GALNT7: variants seen among roughly 807,000 people sequenced by gnomAD.
The protein encoded by GALNT7 is N-acetylgalactosaminyltransferase 7.
A neutral mutation model predicts 82.1 loss-of-function variants in GALNT7; 60 were observed. That is an observed-to-expected ratio of 0.73 (90% CI 0.59 to 0.91). The LOEUF (loss-of-function observed/expected upper bound fraction) is 0.91, where lower values mean the gene tolerates loss of function less well. Ranked by LOEUF, GALNT7 falls within the 40% of genes least tolerant of loss-of-function variation. The pLI, the probability that GALNT7 is intolerant of heterozygous loss-of-function variation, is 0.00. For synonymous variants in GALNT7, 243 were observed against 275.1 expected (o/e 0.88, Z 1.15); for missense variants, 660 against 804.2 (o/e 0.82, Z 2.17).
intron 1 of GALNT7, among the ~76,000 whole-genome samples, chr4:173,216,727 A>ATATT (rs71244915): frequency 7.7e-5 from 1 of 12,980 alleles, no homozygotes; most frequent in African/African-American, 2.8e-4. Flanking sequence ...ATATATATAT[A>ATATT]TTTTTTTTTT....
rs6836060 is a variant in GALNT7, at chr4:173,184,774, C to T, written c.126+15813C>T. ...AAAAACTGATTTAGGAGAGGGTTTT[C>T]GGTACTTTGAAATATTAATATTATG... On this transcript the variant is annotated intron_variant, in intron 1 of 11. Transcript: ENST00000265000. Among the ~76,000 whole-genome samples the T allele has an allele frequency of 3.7e-3, 559 of 152,116 alleles. 2 individuals are homozygous for T. The highest frequency in any genetic ancestry group is 0.013 in the African/African-American group (525 of 41,518).
chr4:173,208,220 GA>G (rs1733160126), intron 1 of GALNT7, among the ~76,000 whole-genome samples: 1 of 150,908 alleles, frequency 6.6e-6, no homozygotes, highest in Non-Finnish European at 1.5e-5. Context: ...AGTTAAAAAT[GA>G]AAAGTATAAT....
chr4:173,271,328 T>G (rs901888320), intron 2 of GALNT7, among the ~76,000 whole-genome samples: 2 of 151,940 alleles, frequency 1.3e-5, no homozygotes, highest in Non-Finnish European at 2.9e-5. Context: ...TTAAATATTT[T>G]GAAAAAAGGA....
chr4:173,181,166 G>C (rs952629445), intron 1 of GALNT7, among the ~76,000 whole-genome samples: 1 of 152,286 alleles, frequency 6.6e-6, no homozygotes, highest in South Asian at 2.1e-4. Flanking sequence ...TGTGGTAGAT[G>C]TTCTTAAACT....
rs761664259 is a variant in GALNT7 at position 173,259,917 on chromosome 4, C to T, written c.587+11477C>T. ...CCTCCCAAAGTACTGGGATTACAGG[C>T]GTGAGCCACCATGCCCGGCCCATTT... On this transcript the variant is annotated intron_variant, in intron 2 of 11. Coordinates refer to ENST00000265000, the MANE Select transcript of GALNT7 (RefSeq NM_017423.3). Among the ~76,000 whole-genome samples the T allele has an allele frequency of 3.9e-5, 6 of 152,250 alleles. No homozygotes were observed. The South Asian group carries it at 8.3e-4, about 21-fold the overall frequency.
chr4:173,285,332 A>G (rs73001568), intron 2 of GALNT7, among the ~76,000 whole-genome samples: 16,302 of 152,252 alleles, frequency 0.11, 2,109 homozygotes, highest in African/African-American at 0.31. Flanking sequence ...TATGTGCTAG[A>G]TGCAGATAAA....
At chr4:173,231,181 G>T (rs531754401) in intron 1 of GALNT7, among the ~76,000 whole-genome samples, 1 of 152,094 alleles carries the variant, frequency 6.6e-6, no homozygotes, top group Non-Finnish European at 1.5e-5. Context: ...GCTGTCAGGG[G>T]AAATCATGAC....
intron 2 of GALNT7, among the ~76,000 whole-genome samples, chr4:173,252,102 C>T (rs1284563711): frequency 6.6e-6 from 1 of 152,042 alleles, no homozygotes; most frequent in Non-Finnish European, 1.5e-5. Context: ...AAATAATAAC[C>T]AACCATGAAT....
At position 173,212,843 on chromosome 4, in the gene GALNT7, A is replaced by C. The variant is rs143468496; in HGVS notation, c.127-35137A>C. On this transcript the variant is annotated intron_variant, in intron 1 of 11. Transcript: ENST00000265000. ...TCCGTGTGTCTAACATAGGACATTA[A>C]AGAGCATGATCATTTCTTCAAAAAT... 1.9e-3 allele frequency among the ~76,000 whole-genome samples: 291 copies of C among 152,258 alleles called. 1 individual carries two copies. The highest frequency in any genetic ancestry group is 6.7e-3 in the African/African-American group (278 of 41,570).
intron 1 of GALNT7, among the ~76,000 whole-genome samples, chr4:173,183,883 G>A (rs1303028410): frequency 1.5e-3 from 222 of 151,546 alleles, no homozygotes; most frequent in African/African-American, 5.3e-3. Flanking sequence ...CTTCCCAGAC[G>A]GGGCGGCTGC....
Position 173,223,590 on chromosome 4 carries a change from C to T in GALNT7, c.127-24390C>T, listed in dbSNP as rs544315208. ...AACTCTTTTCCATAAATGAGACCCC[C>T]ACCCCCCGCAGTCCAAAATTTGTCA... On this transcript the variant is annotated intron_variant, in intron 1 of 11. Transcript: ENST00000265000. Among the ~76,000 whole-genome samples the T allele has an allele frequency of 2.0e-5, 3 of 152,052 alleles. No homozygotes were observed. In the East Asian group the frequency reaches 5.8e-4, roughly 29 times the overall value.
intron 1 of GALNT7, among the ~76,000 whole-genome samples, chr4:173,196,861 T>A (rs1051879611): frequency 6.6e-6 from 1 of 152,192 alleles, no homozygotes; most frequent in Non-Finnish European, 1.5e-5. Flanking sequence ...AGTGTAATAG[T>A]GTAATAAGGG....
chr4:173,195,872 A>G (rs1579900313), intron 1 of GALNT7, among the ~76,000 whole-genome samples: 1 of 152,266 alleles, frequency 6.6e-6, no homozygotes, highest in South Asian at 2.1e-4. Flanking sequence ...TGTGGTTTCT[A>G]TTAACAATTT....
At position 173,261,696 on chromosome 4, in the gene GALNT7, G is replaced by A. The variant is rs186513158; in HGVS notation, c.587+13256G>A. Among the ~76,000 whole-genome samples the A allele has an allele frequency of 4.0e-3, 611 of 152,222 alleles. 1 individual carries two copies. The highest frequency in any genetic ancestry group is 8.7e-3 in the South Asian group (42 of 4,826). ...TAGCCAGGTGTGGTGGCACGCACCTGTAATCCCAGCTTCTCAGGAGGCTGA... is the reference window on the plus strand; with the variant it reads ...TAGCCAGGTGTGGTGGCACGCACCTATAATCCCAGCTTCTCAGGAGGCTGA... On this transcript the variant is annotated intron_variant, in intron 2 of 11. Transcript: ENST00000265000.
At chr4:173,288,282 CAAAAA>C (rs70944442) in intron 2 of GALNT7, among the ~76,000 whole-genome samples, 975 of 63,016 alleles carry the variant, frequency 0.015, 3 homozygotes, top group African/African-American at 0.032. Context: ...GACTCCATCT[CAAAAA>C]AAAAAAAAAA....
intron 1 of GALNT7, among the ~76,000 whole-genome samples, chr4:173,185,868 A>G (rs1458828741): frequency 1.3e-5 from 2 of 152,222 alleles, no homozygotes; most frequent in Non-Finnish European, 2.9e-5. Flanking sequence ...CTGCTATCCT[A>G]GTGATGTTTT....
intron 2 of GALNT7, among the ~76,000 whole-genome samples, chr4:173,249,868 C>T (rs1423488755): frequency 6.6e-6 from 1 of 152,118 alleles, no homozygotes; most frequent in Non-Finnish European, 1.5e-5. Flanking sequence ...AACAGGATCT[C>T]GAGTCCCTCG....
chr4:173,323,766 T>C lies in GALNT7; in HGVS notation c.*2049T>C, dbSNP rs1207651186. On this transcript the variant is annotated 3_prime_UTR_variant, in exon 12 of 12. Transcript: ENST00000265000. ...TTGGAAATAATTCCCATATCCTTGC[T>C]TTGTAAGTTGGTAATATCACTATGC... 9 of 152,624 alleles carry C rather than the reference T, an allele frequency of 5.9e-5. No individual in the cohort carries two copies. The highest frequency in any genetic ancestry group is 5.9e-4 in the Admixed American group (9 of 15,278). 9.5% of individuals were successfully genotyped at this position (152,624 alleles called of 1,614,324 possible). A position where few individuals can be genotyped will look rare whatever the true frequency, so the allele number is the denominator to read the frequency against.
intron 2 of GALNT7, among the ~76,000 whole-genome samples, chr4:173,265,489 A>G (rs1735448661): frequency 6.6e-6 from 1 of 151,964 alleles, no homozygotes; most frequent in East Asian, 1.9e-4. Context: ...CCTTCTCTAC[A>G]TGACCTCAGG....
Sources: allele counts gnomAD v4.1 joint callset (sites outside exome capture counted in the v4.1 genomes callset), GRCh38; gene constraint gnomAD v4.1.1; transcripts MANE v1.5; gene names NCBI Gene and HGNC (gene_info 2026-07-23, HGNC 2026-07-21).